KDM4B: variants seen among roughly 807,000 people sequenced by gnomAD.
KDM4B encodes lysine-specific demethylase 4B.
Under a neutral mutation model 125.2 loss-of-function variants are expected in KDM4B, and 32 were observed. That is an observed-to-expected ratio of 0.26 (90% CI 0.19 to 0.34). The LOEUF is 0.34. Ranked by LOEUF, KDM4B falls within the 10% of genes least tolerant of loss-of-function variation. The probability of loss-of-function intolerance (pLI) is 1.00; values close to 1 mark genes in which losing one functional copy is unlikely to be tolerated. For synonymous variants in KDM4B, 721 were observed against 677.9 expected, an observed-to-expected ratio of 1.06 and a Z score of -0.99; for missense variants, 1,190 against 1,577.7, an observed-to-expected ratio of 0.75 and a Z score of 4.16.
intron 9 of KDM4B, among the ~76,000 whole-genome samples, chr19:5,090,480 CT>C (rs1464194661): frequency 2.0e-4 from 6 of 30,608 alleles, no homozygotes; most frequent in South Asian, 1.7e-3. Flanking sequence ...CTCTCCCCCC[CT>C]CTCTTTCTCT....
chr19:5,013,546 C>T (rs1338102451), intron 1 of KDM4B, among the ~76,000 whole-genome samples: 1 of 152,176 alleles, frequency 6.6e-6, no homozygotes, highest in African/African-American at 2.4e-5. Flanking sequence ...CTGGAGGCTC[C>T]CGGAGACAGT....
intron 22 of KDM4B, among the ~76,000 whole-genome samples, chr19:5,150,700 A>AGCCCC (rs1172392649): frequency 6.6e-6 from 1 of 151,998 alleles, no homozygotes; most frequent in African/African-American, 2.4e-5. Flanking sequence ...GGGTTGGAGA[A>AGCCCC]GCCCCGCCCC....
chr19:5,013,345 G>T (rs535104201), intron 1 of KDM4B, among the ~76,000 whole-genome samples: 4 of 152,174 alleles, frequency 2.6e-5, no homozygotes, highest in South Asian at 2.1e-4. Context: ...GGAGAGGCCT[G>T]GGTGGCCCCT....
intron 1 of KDM4B, among the ~76,000 whole-genome samples, chr19:4,972,884 G>A (rs2034309349): frequency 1.3e-5 from 2 of 152,162 alleles, no homozygotes; most frequent in Admixed American, 6.5e-5. Flanking sequence ...TCCCCTGCAC[G>A]CCCTGCAATG....
intron 1 of KDM4B, among the ~76,000 whole-genome samples, chr19:4,975,645 C>T (rs1043545082): frequency 4.4e-4 from 64 of 145,404 alleles, no homozygotes; most frequent in Middle Eastern, 3.6e-3. Flanking sequence ...CAGGCTGGGG[C>T]GCAGTGGGCT....
chr19:5,134,390 A>G (rs915225582), intron 14 of KDM4B, among the ~76,000 whole-genome samples: 9 of 152,098 alleles, frequency 5.9e-5, no homozygotes, highest in Admixed American at 2.6e-4. Context: ...GAGTGCAGTG[A>G]AGGCCCAGGT....
At chr19:5,111,280 G>A in intron 10 of KDM4B, 1 of 695,706 alleles carries the variant, frequency 1.4e-6, no homozygotes, top group Non-Finnish European at 2.6e-6. Flanking sequence ...GGACTCAACG[G>A]GGCATCAGGT....
intron 1 of KDM4B, among the ~76,000 whole-genome samples, chr19:4,992,832 G>A (rs529005480): frequency 5.9e-5 from 9 of 152,160 alleles, no homozygotes; most frequent in African/African-American, 2.2e-4. Context: ...GTTCAACCCT[G>A]TGATTATTTA....
chr19:5,124,182 C>T (rs373264774), intron 11 of KDM4B, among the ~76,000 whole-genome samples: 78 of 151,872 alleles, frequency 5.1e-4, no homozygotes, highest in South Asian at 3.1e-3. Context: ...TCTGGGGACC[C>T]GGGCCCACCC....
chr19:5,098,286 T>C (rs1599180497), intron 9 of KDM4B, among the ~76,000 whole-genome samples: 1 of 152,328 alleles, frequency 6.6e-6, no homozygotes, highest in African/African-American at 2.4e-5. Context: ...TATTTTATTT[T>C]TTATTACAGT....
Position 5,142,952 on chromosome 19 carries a change from C to T in KDM4B, c.2551-1015C>T, listed in dbSNP as rs539810372. On this transcript the variant is annotated intron_variant, in intron 18 of 22. Transcript: ENST00000159111. The surrounding 1 kb of genome is among the most constrained non-coding windows in gnomAD (Gnocchi z 5.4). Reference sequence around the variant, plus strand: ...GTGCTGGCTCGGGCAGGTGTTGCAGCGGGAGCCTCAAGGGATGAAAGGTGG... The same window carrying T: ...GTGCTGGCTCGGGCAGGTGTTGCAGTGGGAGCCTCAAGGGATGAAAGGTGG... Among the ~76,000 whole-genome samples, 4 of 151,952 alleles carry T rather than the reference C, an allele frequency of 2.6e-5. No individual in the cohort carries two copies. The highest frequency in any genetic ancestry group is 4.4e-5 in the Non-Finnish European group (3 of 67,984).
intron 1 of KDM4B, among the ~76,000 whole-genome samples, chr19:5,012,754 C>T (rs1371086677): frequency 6.6e-6 from 1 of 152,234 alleles, no homozygotes; most frequent in African/African-American, 2.4e-5. Context: ...CGTGGGCCAT[C>T]AGCAGGATGG....
At chr19:5,139,052 A>T (rs1479462101) in intron 18 of KDM4B, among the ~76,000 whole-genome samples, 1 of 152,134 alleles carries the variant, frequency 6.6e-6, no homozygotes, top group Non-Finnish European at 1.5e-5. Context: ...CCTCCTGAGT[A>T]GCTGGGACCA....
chr19:5,131,855 G>C, intron 12 of KDM4B, 32 bp from the exon 13 acceptor site: 1 of 1,612,474 alleles, frequency 6.2e-7, no homozygotes, highest in Non-Finnish European at 8.5e-7. Context: ...GTCTGTAGCG[G>C]GGCCCTCACT....
intron 10 of KDM4B, 106 bp from the exon 11 acceptor site, chr19:5,119,547 C>T: frequency 8.9e-7 from 1 of 1,128,540 alleles, no homozygotes; most frequent in South Asian, 1.3e-5. Flanking sequence ...TCATGGAGCG[C>T]TCTTCTGGGG....
chr19:5,132,075 G>A (rs954510121), intron 13 of KDM4B, 68 bp downstream of exon 13: 10 of 1,484,164 alleles, frequency 6.7e-6, no homozygotes, highest in Non-Finnish European at 9.0e-6. Flanking sequence ...CTGGAGGGGG[G>A]GCCTGGCTCC....
chr19:5,086,706 C>G (rs1486976528), intron 9 of KDM4B, among the ~76,000 whole-genome samples: 3 of 152,170 alleles, frequency 2.0e-5, no homozygotes, highest in African/African-American at 7.2e-5. Flanking sequence ...CAGGTTGGCC[C>G]CCACCGCCTC....
At chr19:5,113,897 G>C (rs541104169) in intron 10 of KDM4B, 632 of 1,198,090 alleles carry the variant, frequency 5.3e-4, no homozygotes, top group Non-Finnish European at 6.4e-4. Context: ...GTGCCCCATG[G>C]GGTGCGGATG....
intron 21 of KDM4B, among the ~76,000 whole-genome samples, 173 bp downstream of exon 21, chr19:5,145,075 G>T (rs891686043): frequency 1.3e-5 from 2 of 152,212 alleles, no homozygotes; most frequent in African/African-American, 4.8e-5. Flanking sequence ...GCCTGCCTAA[G>T]TTAGAAGCAC....
Sources: gnomAD v4.1 joint callset for allele counts (sites outside exome capture counted in the v4.1 genomes callset) on GRCh38, gnomAD v4.1.1 for gene constraint, Gnocchi (gnomAD v3.1) non-coding constraint, MANE v1.5 for transcripts, NCBI Gene and HGNC (gene_info 2026-07-23, HGNC 2026-07-21) for gene names.